The following COL4A3 variants were observed in gnomAD, a reference collection of about 807,000 sequenced individuals.
COL4A3 encodes the protein collagen type IV alpha 3 chain, also known as collagen alpha-3(IV) chain.
Under a neutral mutation model 217.4 loss-of-function variants are expected in COL4A3, and 135 were observed. The ratio of observed to expected loss-of-function variants is 0.62; its 90% CI spans 0.54 to 0.72. The LOEUF (loss-of-function observed/expected upper bound fraction) is 0.72. COL4A3 is among the 30% of genes least tolerant of loss of function. The probability of loss-of-function intolerance (pLI) is 0.00; values close to 1 mark genes in which losing one functional copy is unlikely to be tolerated. For missense variants in COL4A3, 1,868 were observed against 2,119.9 expected (o/e 0.88, Z 2.33); for synonymous variants, 690 against 736.3 (o/e 0.94, Z 1.02).
chr2:227,302,585 G>C (rs553423510), intron 43 of COL4A3, among the ~76,000 whole-genome samples: 1 of 146,336 alleles, frequency 6.8e-6, no homozygotes, highest in South Asian at 2.1e-4. Context: ...GCTGAGGCAT[G>C]ACAATTACTT....
chr2:227,202,819 ATATATGTGTAT>A lies in COL4A3; in HGVS notation c.88-35148_88-35138del, dbSNP rs1248385958. Among the ~76,000 whole-genome samples the A allele has an allele frequency of 8.0e-4, 94 of 116,796 alleles. 7 individuals are homozygous for A. The highest frequency in any genetic ancestry group is 1.6e-3 in the Admixed American group (17 of 10,782). 76.6% of individuals were successfully genotyped at this position (116,796 alleles called of 152,430 possible). ...ATATATATAATATGTGTATATATAC[ATATATGTGTAT>A]CTATGTGTATATATACATATGTGTA... On this transcript the variant is annotated intron_variant, in intron 1 of 51. Transcript: ENST00000396578.
chr2:227,234,629 T>C (rs992301362), intron 1 of COL4A3, among the ~76,000 whole-genome samples: 5 of 152,152 alleles, frequency 3.3e-5, no homozygotes. Flanking sequence ...ACTGCACAAT[T>C]CCTTCTCTCC....
rs76446036 is a variant in COL4A3 at position 227,242,251 on chromosome 2, C to T, written c.234+2019C>T. On this transcript the variant is annotated intron_variant, in intron 3 of 51. Transcript: ENST00000396578. The stretch of plus-strand genomic sequence containing the variant: ...GCTTTGATAATTTGCTAAAGAGTCT[C>T]ATAGAACTCATGGGAACATTTATCA... 7.2e-4 allele frequency among the ~76,000 whole-genome samples: 109 copies of T among 152,246 alleles called. 2 individuals carry two copies. The East Asian group carries it at 0.019, about 26-fold the overall frequency.
rs1324474116 is a variant in COL4A3 at position 227,213,915 on chromosome 2, A to AG, written c.88-24053_88-24052insG. On this transcript the variant is annotated intron_variant, in intron 1 of 51. Coordinates refer to ENST00000396578, the MANE Select transcript of COL4A3 (RefSeq NM_000091.5). Reference sequence around the variant, plus strand: ...AAACTCTGTCTCAAAAAAAAAAAAAAAAAAGAAAAAGAAAAAGAAAAAACA... The same window carrying AG: ...AAACTCTGTCTCAAAAAAAAAAAAAAGAAAAGAAAAAGAAAAAGAAAAAACA... Among the ~76,000 whole-genome samples, 594 of 128,764 alleles carry AG rather than the reference A, an allele frequency of 4.6e-3. 4 individuals carry two copies. The highest frequency in any genetic ancestry group is 0.021 in the African/African-American group (577 of 27,668). 84.5% of individuals were successfully genotyped at this position (128,764 alleles called of 152,430 possible).
intron 31 of COL4A3, chr2:227,281,878 T>G (rs998668841): frequency 1.3e-5 from 2 of 152,378 alleles, no homozygotes; most frequent in African/African-American, 4.8e-5. Context: ...CTCAGAAATT[T>G]TACAGAGGGG....
At chr2:227,240,017 T>C in intron 2 of COL4A3, 126 bp from the exon 3 acceptor site, 1 of 907,730 alleles carries the variant, frequency 1.1e-6, no homozygotes, top group Non-Finnish European at 1.8e-6. Context: ...ATTTTTTTAA[T>C]CCAAGGAAAA....
At chr2:227,225,540 A>G (rs916540818) in intron 1 of COL4A3, among the ~76,000 whole-genome samples, 2 of 152,188 alleles carry the variant, frequency 1.3e-5, no homozygotes, top group Non-Finnish European at 2.9e-5. Flanking sequence ...AGAGTGACCA[A>G]CAAGAGAGAG....
At chr2:227,273,437 CTG>C (rs1377815376) in intron 26 of COL4A3, among the ~76,000 whole-genome samples, 1 of 152,136 alleles carries the variant, frequency 6.6e-6, no homozygotes, top group Non-Finnish European at 1.5e-5. Flanking sequence ...CAGGGTCTCA[CTG>C]TGTTGCCCAG....
chr2:227,253,020 A>G lies in COL4A3; in HGVS notation c.646-276A>G, dbSNP rs1303316359. Among the ~76,000 whole-genome samples the G allele has an allele frequency of 1.3e-5, 2 of 152,166 alleles. No homozygotes were observed. The highest frequency in any genetic ancestry group is 1.3e-4 in the Admixed American group (2 of 15,266). ...AACTAGCTAATGCAGAGCCAGAAAA[A>G]TATGCTCTGAGCTGGGCTCCTTTCC... On this transcript the variant is annotated intron_variant, in intron 11 of 51. Coordinates refer to ENST00000396578, the MANE Select transcript of COL4A3 (RefSeq NM_000091.5). This position sits in a 1 kb window ranked among gnomAD's most constrained non-coding sequence, Gnocchi z 4.4.
At chr2:227,251,836 A>G (rs564175525) in intron 11 of COL4A3, among the ~76,000 whole-genome samples, 40 of 152,280 alleles carry the variant, frequency 2.6e-4, no homozygotes, top group Middle Eastern at 3.4e-3. Flanking sequence ...TGGGAGGCCA[A>G]GGTGGGTGGA....
chr2:227,239,900 T>C (rs1341506791), intron 2 of COL4A3, among the ~76,000 whole-genome samples: 1 of 152,120 alleles, frequency 6.6e-6, no homozygotes, highest in African/African-American at 2.4e-5. Flanking sequence ...TGGGAGAAAG[T>C]CAAGTTTCTA....
intron 1 of COL4A3, among the ~76,000 whole-genome samples, chr2:227,208,297 C>T (rs1473748648): frequency 1.3e-5 from 2 of 152,190 alleles, no homozygotes; most frequent in Non-Finnish European, 2.9e-5. Context: ...TGAGAAATTA[C>T]AGTTTCAGGG....
intron 1 of COL4A3, among the ~76,000 whole-genome samples, chr2:227,182,828 A>G (rs146818911): frequency 6.6e-6 from 1 of 152,196 alleles, no homozygotes; most frequent in African/African-American, 2.4e-5. Flanking sequence ...TATCACACAT[A>G]TATCCAATTC....
At chr2:227,309,633 G>T in intron 50 of COL4A3, among the ~76,000 whole-genome samples, 1 of 151,920 alleles carries the variant, frequency 6.6e-6, no homozygotes, top group Non-Finnish European at 1.5e-5. Context: ...ACAGATTCTC[G>T]CTCTGTCACC....
chr2:227,286,448 T>C (rs1042081679), intron 34 of COL4A3, among the ~76,000 whole-genome samples: 2 of 152,244 alleles, frequency 1.3e-5, no homozygotes, highest in African/African-American at 4.8e-5. Flanking sequence ...TGAGCTGAGA[T>C]TGTGCCACTG....
At chr2:227,183,475 A>G (rs371803927) in intron 1 of COL4A3, among the ~76,000 whole-genome samples, 3 of 152,212 alleles carry the variant, frequency 2.0e-5, no homozygotes, top group African/African-American at 7.2e-5. Context: ...CGAGGAAAAT[A>G]CAAATCAGAG....
chr2:227,303,093 G>A lies in COL4A3; in HGVS notation c.3938G>A (p.Gly1313Glu). 5.6e-6 allele frequency: 9 copies of A among 1,613,934 alleles called. No homozygotes were observed. Among genetic ancestry groups the A allele is most frequent in the Non-Finnish European group, 6.8e-6 (8 of 1,179,890 alleles). ...PGPRGDPGFQGFPGVKGEKGN... is the reference protein window; with the variant it reads ...PGPRGDPGFQEFPGVKGEKGN... ...CCCAGAGGTGATCCTGGATTCCAGG[G>A]GTTTCCAGGCGTGAAAGGTACTGTT... Residue 1313 changes from glycine (G) to glutamate (E), a missense_variant, in exon 44 of 52, where the codon GGG (glycine) becomes GAG (glutamate). This residue lies in a region of COL4A3 where 1,503 missense variants were observed against 1,786.1 expected (regional missense o/e 0.84). Transcript: ENST00000396578.
At chr2:227,202,763 A>ATCACATATATATTATATATATATG (rs1306988215) in intron 1 of COL4A3, among the ~76,000 whole-genome samples, 3 of 109,632 alleles carry the variant, frequency 2.7e-5, no homozygotes, top group African/African-American at 9.6e-5. Flanking sequence ...ATATATATAT[A>ATCACATATATATTATATATATATG]TATATATATC....
Position 227,310,735 on chromosome 2 carries a change from A to C in COL4A3, c.4756-41A>C, listed in dbSNP as rs767202426. 5.1e-6 allele frequency: 8 copies of C among 1,578,112 alleles called. No individual in the cohort carries two copies. The East Asian group carries it at 1.6e-4, about 31-fold the overall frequency. ...GTAGAGAATTGAAAATTTGAACCCCAATGGACAGAGTGTTTATTCAGATTT... is the reference window on the plus strand; with the variant it reads ...GTAGAGAATTGAAAATTTGAACCCCCATGGACAGAGTGTTTATTCAGATTT... On this transcript the variant is annotated intron_variant, in intron 50 of 51. Coordinates refer to ENST00000396578, the MANE Select transcript of COL4A3 (RefSeq NM_000091.5).
Sources: gnomAD v4.1 joint callset for allele counts (sites outside exome capture counted in the v4.1 genomes callset) on GRCh38, gnomAD v4.1.1 for gene constraint, gnomAD v4.1.1 regional missense constraint, Gnocchi (gnomAD v3.1) non-coding constraint, MANE v1.5 for transcripts, NCBI Gene and HGNC (gene_info 2026-07-23, HGNC 2026-07-21) for gene names.